Variants in SRPK2 observed in about 807,000 individuals in gnomAD.
SRPK2 encodes the protein SFRS protein kinase 2.
In SRPK2, 21 loss-of-function variants were observed where a neutral mutation model predicts 90.8. That is an observed-to-expected ratio of 0.23 (90% CI 0.16 to 0.33). SRPK2 has a LOEUF of 0.33. Ranked by LOEUF, SRPK2 falls within the 10% of genes least tolerant of loss-of-function variation. The pLI, the probability that SRPK2 is intolerant of heterozygous loss-of-function variation, is 1.00. For synonymous variants in SRPK2, 288 were observed against 311.1 expected, an observed-to-expected ratio of 0.93 and a Z score of 0.78; for missense variants, 620 against 869.0, an observed-to-expected ratio of 0.71 and a Z score of 3.60.
chr7:105,324,879 T>C (rs1010550885), intron 2 of SRPK2, among the ~76,000 whole-genome samples: 1 of 152,106 alleles, frequency 6.6e-6, no homozygotes, highest in Non-Finnish European at 1.5e-5. Flanking sequence ...AGGGCAAGAC[T>C]GTCTCAAAAA....
intron 11 of SRPK2, among the ~76,000 whole-genome samples, chr7:105,133,758 G>A (rs1802376330): frequency 6.6e-6 from 1 of 152,206 alleles, no homozygotes; most frequent in African/African-American, 2.4e-5. Context: ...GGTCTCCTGA[G>A]ATGGCCTGGG....
intron 2 of SRPK2, among the ~76,000 whole-genome samples, chr7:105,372,660 T>C (rs1395452983): frequency 6.6e-6 from 1 of 152,202 alleles, no homozygotes; most frequent in Non-Finnish European, 1.5e-5. Context: ...TTGGTGGTCA[T>C]GCGCCTAGAA....
intron 2 of SRPK2, among the ~76,000 whole-genome samples, chr7:105,276,330 T>C (rs1806490894): frequency 6.6e-6 from 1 of 151,628 alleles, no homozygotes. Flanking sequence ...CCTCCCACCT[T>C]GGCCCCCTCA....
At chr7:105,267,245 T>G (rs1456677979) in intron 2 of SRPK2, among the ~76,000 whole-genome samples, 1 of 152,170 alleles carries the variant, frequency 6.6e-6, no homozygotes, top group South Asian at 2.1e-4. Context: ...CACTCCTAAT[T>G]TGTTTCTCAA....
intron 7 of SRPK2, among the ~76,000 whole-genome samples, chr7:105,159,460 A>AAAAAAAAAAAAAAAAAAAAAAAAAAAAAC: frequency 6.8e-6 from 1 of 147,948 alleles, no homozygotes; most frequent in Admixed American, 6.8e-5. Context: ...AAAAAAAAAA[A>AAAAAAAAAAAAAAAAAAAAAAAAAAAAAC]AAAAAAAAAA....
intron 2 of SRPK2, among the ~76,000 whole-genome samples, chr7:105,280,947 CAAAAAAAAAAAAAAAAAAAAAAAAA>C (rs1158350206): frequency 2.3e-5 from 1 of 43,306 alleles, no homozygotes; most frequent in Non-Finnish European, 3.6e-5. Context: ...GACTCCATCT[CAAAAAAAAAAAAAAAAAAAAAAAAA>C]AAAAAAAAAA....
chr7:105,121,585 G>A (rs1004521464), intron 15 of SRPK2, among the ~76,000 whole-genome samples: 6 of 152,102 alleles, frequency 3.9e-5, no homozygotes, highest in African/African-American at 1.4e-4. Context: ...AAGCAAACAT[G>A]AGCCTGGCAG....
At chr7:105,151,811 G>A (rs563306565) in intron 7 of SRPK2, among the ~76,000 whole-genome samples, 6 of 152,220 alleles carry the variant, frequency 3.9e-5, no homozygotes, top group South Asian at 4.1e-4. Flanking sequence ...ATCACCTGAG[G>A]TCTGGAGTTC....
intron 13 of SRPK2, among the ~76,000 whole-genome samples, chr7:105,130,330 C>T (rs1287361023): frequency 6.6e-6 from 1 of 152,172 alleles, no homozygotes; most frequent in Admixed American, 6.5e-5. Flanking sequence ...GCGGGTGGAT[C>T]ACTTGAGCTC....
At chr7:105,364,504 G>A (rs955215676) in intron 2 of SRPK2, among the ~76,000 whole-genome samples, 3 of 149,770 alleles carry the variant, frequency 2.0e-5, no homozygotes, top group Admixed American at 1.4e-4. Flanking sequence ...AGATTCAAGC[G>A]CTTCTCCTGC....
At chr7:105,230,889 ATT>A (rs1799345110) in intron 2 of SRPK2, among the ~76,000 whole-genome samples, 1 of 152,228 alleles carries the variant, frequency 6.6e-6, no homozygotes, top group African/African-American at 2.4e-5. Context: ...CAGCCAACAT[ATT>A]GTTAATACTA....
At chr7:105,198,725 A>G (rs1795208476) in intron 3 of SRPK2, among the ~76,000 whole-genome samples, 1 of 152,226 alleles carries the variant, frequency 6.6e-6, no homozygotes, top group Non-Finnish European at 1.5e-5. Context: ...CGTATCAGAT[A>G]CTGTGTCATG....
intron 2 of SRPK2, among the ~76,000 whole-genome samples, chr7:105,226,103 A>G (rs1177585454): frequency 6.6e-6 from 1 of 152,268 alleles, no homozygotes; most frequent in Middle Eastern, 3.2e-3. Context: ...CTAGGAACCT[A>G]AAGACTTCCA....
At chr7:105,278,872 A>G (rs1806886176) in intron 2 of SRPK2, among the ~76,000 whole-genome samples, 1 of 152,344 alleles carries the variant, frequency 6.6e-6, no homozygotes, top group South Asian at 2.1e-4. Flanking sequence ...TTATAACCTA[A>G]AAGATGTCCA....
At chr7:105,337,054 G>A (rs35851667) in intron 2 of SRPK2, among the ~76,000 whole-genome samples, 19,796 of 151,602 alleles carry the variant, frequency 0.13, 1,719 homozygotes, top group East Asian at 0.26. Context: ...CACCCACCTC[G>A]GCCTCCCAAA....
In SRPK2 at chr7:105,116,677, C is replaced by T. The variant is rs563872266; in HGVS notation, c.*1161G>A. 3.3e-5 allele frequency: 5 copies of T among 152,666 alleles called. No individual in the cohort carries two copies. In the East Asian group the frequency reaches 9.6e-4, roughly 29 times the overall value. 9.5% of individuals were successfully genotyped at this position (152,666 alleles called of 1,614,324 possible). On this transcript the variant is annotated 3_prime_UTR_variant, in exon 16 of 16. Transcript: ENST00000393651. ...GTCTACAATTAATTTTAAGGAAATG[C>T]ATAAACAAAACTGTGTGCAACCTGC...
At chr7:105,330,827 A>G (rs1488596644) in intron 2 of SRPK2, among the ~76,000 whole-genome samples, 2 of 152,126 alleles carry the variant, frequency 1.3e-5, no homozygotes, top group African/African-American at 4.8e-5. Flanking sequence ...TTTAAAAAAA[A>G]AAGAAAAAGA....
At position 105,336,780 on chromosome 7, in the gene SRPK2, G is replaced by A. The variant is rs559647637; in HGVS notation, c.71+51868C>T. Among the ~76,000 whole-genome samples the A allele has an allele frequency of 5.8e-4, 89 of 152,196 alleles. 1 individual carries two copies. Among genetic ancestry groups the A allele is most frequent in the Middle Eastern group, 6.8e-3 (2 of 294 alleles). On this transcript the variant is annotated intron_variant, in intron 2 of 15. Coordinates refer to ENST00000393651, the MANE Select transcript of SRPK2 (RefSeq NM_182692.3). ...AAAGGCATTCCCTACAGTAACTGTG[G>A]AAATGTGAACATGGATTGAGTTTCT...
At chr7:105,282,563 G>C (rs990292940) in intron 2 of SRPK2, among the ~76,000 whole-genome samples, 1 of 152,184 alleles carries the variant, frequency 6.6e-6, no homozygotes, top group African/African-American at 2.4e-5. Context: ...TGTGCATTGG[G>C]AGGCCAAGGT....
Sources: allele counts gnomAD v4.1 joint callset (sites outside exome capture counted in the v4.1 genomes callset), GRCh38; gene constraint gnomAD v4.1.1; transcripts MANE v1.5; gene names NCBI Gene and HGNC (gene_info 2026-07-23, HGNC 2026-07-21).